Variants in INSIG2 observed in about 807,000 individuals in gnomAD.
INSIG2 encodes insulin induced gene 2.
A neutral mutation model predicts 27.2 loss-of-function variants in INSIG2; 10 were observed. That is an observed-to-expected ratio of 0.37 (90% confidence interval 0.23 to 0.62). The LOEUF is 0.62. Among genes scored for constraint, INSIG2 ranks in the 20% least tolerant of loss-of-function variants. The pLI, the probability that INSIG2 is intolerant of heterozygous loss-of-function variation, is 0.65. For synonymous variants in INSIG2, 97 were observed against 95.8 expected, an observed-to-expected ratio of 1.01 and a Z score of -0.07; for missense variants, 178 against 270.2, an observed-to-expected ratio of 0.66 and a Z score of 2.39.
At chr2:118,096,255 ACTTTTT>A (rs951620110) in intron 1 of INSIG2, among the ~76,000 whole-genome samples, 158 bp from the exon 2 acceptor site, 11 of 152,264 alleles carry the variant, frequency 7.2e-5, no homozygotes, top group Admixed American at 4.6e-4. Context: ...TACTTTTAAA[ACTTTTT>A]CTTATTCAAT....
rs527762427 is a variant in INSIG2 at position 118,092,377 on chromosome 2, A to C, written c.-139+3836A>C. Among the ~76,000 whole-genome samples the C allele has an allele frequency of 3.9e-5, 6 of 152,304 alleles. No individual in the cohort carries two copies. The South Asian group carries it at 1.2e-3, about 32-fold the overall frequency. On this transcript the variant is annotated intron_variant, in intron 1 of 5. Coordinates refer to ENST00000245787, the MANE Select transcript of INSIG2 (RefSeq NM_016133.4). ...ATCTAGTACTATTAAAGAAAATTTCAAGGTGATTTTACATTTATTCTCATC... is the reference window on the plus strand; with the variant it reads ...ATCTAGTACTATTAAAGAAAATTTCCAGGTGATTTTACATTTATTCTCATC...
At chr2:118,092,233 C>T (rs796676971) in intron 1 of INSIG2, among the ~76,000 whole-genome samples, 12 of 152,254 alleles carry the variant, frequency 7.9e-5, no homozygotes, top group African/African-American at 2.6e-4. Flanking sequence ...GTTAGCAGCA[C>T]GTGAGGGCAA....
At chr2:118,093,078 AGAT>A (rs76266491) in intron 1 of INSIG2, among the ~76,000 whole-genome samples, 19 of 71,246 alleles carry the variant, frequency 2.7e-4, no homozygotes, top group East Asian at 4.1e-4. Flanking sequence ...AAAAGCAACC[AGAT>A]GATGATGATG....
chr2:118,100,716 C>A (rs1413276978), intron 2 of INSIG2, among the ~76,000 whole-genome samples: 2 of 152,106 alleles, frequency 1.3e-5, no homozygotes, highest in Non-Finnish European at 2.9e-5. Flanking sequence ...AAGAACCAGA[C>A]ATATTGTCAG....
intron 2 of INSIG2, chr2:118,102,508 T>G (rs1490496571): frequency 6.6e-6 from 1 of 152,246 alleles, no homozygotes; most frequent in African/African-American, 2.4e-5. Context: ...GTTTCCTCCA[T>G]TGTTTCTATG....
At chr2:118,096,042 G>C (rs1362483885) in intron 1 of INSIG2, among the ~76,000 whole-genome samples, 2 of 152,180 alleles carry the variant, frequency 1.3e-5, no homozygotes, top group African/African-American at 4.8e-5. Flanking sequence ...GATAGGCTTA[G>C]AGATTTAGGG....
chr2:118,094,745 G>A (rs529912255), intron 1 of INSIG2, among the ~76,000 whole-genome samples: 1 of 152,276 alleles, frequency 6.6e-6, no homozygotes, highest in East Asian at 1.9e-4. Flanking sequence ...ACAGGTTGTG[G>A]AGGTTACTAG....
intron 3 of INSIG2, among the ~76,000 whole-genome samples, chr2:118,104,814 C>G (rs1678633887): frequency 6.6e-6 from 1 of 152,172 alleles, no homozygotes; most frequent in African/African-American, 2.4e-5. Flanking sequence ...GACACTTCCA[C>G]TTTGATTTTT....
rs1003405781 is a variant in INSIG2, at chr2:118,096,860, T to A, written c.244+60T>A. On this transcript the variant is annotated intron_variant, in intron 2 of 5. Coordinates refer to ENST00000245787, the MANE Select transcript of INSIG2 (RefSeq NM_016133.4). ...GAAATAGGGTAAATGAGTATGGACG[T>A]TGTCTGAGCAATAAACCTTTTTAAA... 91 of 1,529,526 alleles carry A rather than the reference T, an allele frequency of 5.9e-5. No homozygotes were observed. In the African/African-American group the frequency reaches 1.0e-3, roughly 18 times the overall value. The allele number at this position is 1,529,526 out of a possible 1,614,324, so 94.7% of individuals were successfully genotyped here. A position where few individuals can be genotyped will look rare whatever the true frequency, so the allele number is the denominator to read the frequency against.
At chr2:118,098,891 A>G (rs557965341) in intron 2 of INSIG2, among the ~76,000 whole-genome samples, 1 of 152,338 alleles carries the variant, frequency 6.6e-6, no homozygotes, top group East Asian at 1.9e-4. Flanking sequence ...AGTTTGTACC[A>G]TAAGGTACTT....
chr2:118,094,268 A>ATGATGATG (rs1553466407), intron 1 of INSIG2, among the ~76,000 whole-genome samples: 3 of 133,696 alleles, frequency 2.2e-5, no homozygotes, highest in African/African-American at 8.3e-5. Flanking sequence ...GATGATGATG[A>ATGATGATG]AGGAGAGTTC....
intron 3 of INSIG2, among the ~76,000 whole-genome samples, chr2:118,103,994 C>G (rs1678613405): frequency 6.6e-6 from 1 of 152,174 alleles, no homozygotes; most frequent in Non-Finnish European, 1.5e-5. Flanking sequence ...TGTTTGCCCT[C>G]ATAAGGTTTT....
chr2:118,091,349 C>T (rs1224419678), intron 1 of INSIG2, among the ~76,000 whole-genome samples: 1 of 152,166 alleles, frequency 6.6e-6, no homozygotes, highest in Non-Finnish European at 1.5e-5. Flanking sequence ...ATTCACTATA[C>T]ACGTTTGTGG....
chr2:118,108,008 A>G (rs565102604), intron 5 of INSIG2, among the ~76,000 whole-genome samples: 12 of 152,294 alleles, frequency 7.9e-5, no homozygotes, highest in African/African-American at 2.9e-4. Context: ...TCTAAATTCT[A>G]AATCATATAC....
rs1363429401 is a variant in INSIG2 at position 118,108,396 on chromosome 2, C to T, written c.*74C>T. On this transcript the variant is annotated 3_prime_UTR_variant, in exon 6 of 6. Coordinates refer to ENST00000245787, the MANE Select transcript of INSIG2 (RefSeq NM_016133.4). ...TGAAATGGTAGATATACCAACAAAA[C>T]TTCAGACTGTAAAATTGCCAGGATG... 2 of 1,150,896 alleles carry T rather than the reference C, an allele frequency of 1.7e-6. No individual in the cohort carries two copies. Among genetic ancestry groups the T allele is most frequent in the Non-Finnish European group, 2.6e-6 (2 of 781,722 alleles). The allele number at this position is 1,150,896 out of a possible 1,614,324, so 71.3% of individuals were successfully genotyped here. A position where few individuals can be genotyped will look rare whatever the true frequency, so the allele number is the denominator to read the frequency against.
intron 1 of INSIG2, among the ~76,000 whole-genome samples, chr2:118,091,113 C>A (rs542120199): frequency 6.6e-6 from 1 of 152,066 alleles, no homozygotes; most frequent in Admixed American, 6.5e-5. Flanking sequence ...AGATATAGAT[C>A]CACTTTGTTT....
Position 118,107,195 on chromosome 2 carries a change from C to G in INSIG2, c.636+6C>G, listed in dbSNP as rs769470534. On this transcript the variant is annotated splice_donor_region_variant and intron_variant, in intron 5 of 5. Coordinates refer to ENST00000245787, the MANE Select transcript of INSIG2 (RefSeq NM_016133.4). ...TTGGTCGACAACTGGCAATGGTAAGCTGATGCTCACTTTTCTGAATAAGAT... is the reference window on the plus strand; with the variant it reads ...TTGGTCGACAACTGGCAATGGTAAGGTGATGCTCACTTTTCTGAATAAGAT... 1 of 1,579,100 alleles carries G rather than the reference C, an allele frequency of 6.3e-7. No homozygotes were observed.
rs1678760133 is a variant in INSIG2 at position 118,109,462 on chromosome 2, A to G, written c.*1140A>G. ...ATTGAGATGGCATTCTCTGCATGTTAAAGATCTTAATGGCAACCAGCACCT... is the reference window on the plus strand; with the variant it reads ...ATTGAGATGGCATTCTCTGCATGTTGAAGATCTTAATGGCAACCAGCACCT... On this transcript the variant is annotated 3_prime_UTR_variant, in exon 6 of 6. Coordinates refer to ENST00000245787, the MANE Select transcript of INSIG2 (RefSeq NM_016133.4). The G allele has an allele frequency of 1.3e-5, 2 of 152,220 alleles. No homozygotes were observed. The highest frequency in any genetic ancestry group is 2.9e-5 in the Non-Finnish European group (2 of 68,032). The allele number at this position is 152,220 out of a possible 1,614,324, so 9.4% of individuals were successfully genotyped here.
Position 118,099,922 on chromosome 2 carries a change from T to C in INSIG2, c.244+3122T>C, listed in dbSNP as rs1678499650. Among the ~76,000 whole-genome samples, 3 of 152,182 alleles carry C rather than the reference T, an allele frequency of 2.0e-5. No homozygotes were observed. The South Asian group carries it at 6.2e-4, about 31-fold the overall frequency. ...CCCTTTTCTCAGCCCCCTTGTATGG[T>C]ACCCTCACTGCTAAGAAGATGGCCT... On this transcript the variant is annotated intron_variant, in intron 2 of 5. Coordinates refer to ENST00000245787, the MANE Select transcript of INSIG2 (RefSeq NM_016133.4).
Sources: gnomAD v4.1 joint callset for allele counts (sites outside exome capture counted in the v4.1 genomes callset) on GRCh38, gnomAD v4.1.1 for gene constraint, MANE v1.5 for transcripts, NCBI Gene and HGNC (gene_info 2026-07-23, HGNC 2026-07-21) for gene names.